Variants in SNX29 observed in about 807,000 individuals in gnomAD.
The protein encoded by SNX29 is sorting nexin-29.
In SNX29, 78 loss-of-function variants were observed where a neutral mutation model predicts 102.1. The ratio of observed to expected loss-of-function variants is 0.76; its 90% CI spans 0.64 to 0.92. The LOEUF is 0.92. Ranked by LOEUF, SNX29 falls within the 40% of genes least tolerant of loss-of-function variation. The pLI is 0.00. For synonymous variants in SNX29, 580 were observed against 414.5 expected (o/e 1.40, Z -4.85); for missense variants, 1,280 against 1,061.7 (o/e 1.21, Z -2.86).
At chr16:12,130,756 G>C (rs1396760653) in intron 13 of SNX29, among the ~76,000 whole-genome samples, 1 of 150,800 alleles carries the variant, frequency 6.6e-6, no homozygotes, top group Non-Finnish European at 1.5e-5. Flanking sequence ...CTTCCTTAAT[G>C]TGAAGTGGTA....
chr16:12,174,611 T>C (rs568560649), intron 13 of SNX29, among the ~76,000 whole-genome samples: 1 of 152,326 alleles, frequency 6.6e-6, no homozygotes, highest in East Asian at 1.9e-4. Context: ...AACCAACCTC[T>C]TGTGGCGTTC....
chr16:12,415,494 A>C (rs931453003), intron 18 of SNX29, among the ~76,000 whole-genome samples: 1 of 152,242 alleles, frequency 6.6e-6, no homozygotes, highest in Admixed American at 6.5e-5. Context: ...GACAGAGTAT[A>C]AACTTAAAAA....
At chr16:12,531,318 G>C (rs1041159960) in intron 20 of SNX29, among the ~76,000 whole-genome samples, 1 of 152,222 alleles carries the variant, frequency 6.6e-6, no homozygotes, top group East Asian at 1.9e-4. Context: ...AGCCCTGGCA[G>C]GTGTGTGAAC....
chr16:12,555,170 G>C (rs1253173702), intron 20 of SNX29, among the ~76,000 whole-genome samples: 3 of 151,938 alleles, frequency 2.0e-5, no homozygotes, highest in Admixed American at 6.5e-5. Flanking sequence ...TCTGGCATCA[G>C]TGGGGTTACT....
chr16:12,573,867 C>G lies in SNX29; in HGVS notation c.*5238C>G, dbSNP rs1406862998. On this transcript the variant is annotated 3_prime_UTR_variant, in exon 21 of 21. Transcript: ENST00000566228. ...CATCCTAAGAAGAATGTTGGCCTCT[C>G]TTCATCCCTGGCTTAGCCGTCAGGT... The G allele has an allele frequency of 4.8e-6, 1 of 210,104 alleles. No homozygotes were observed. Among genetic ancestry groups the G allele is most frequent in the Non-Finnish European group, 9.7e-6 (1 of 103,444 alleles). 13.0% of individuals were successfully genotyped at this position (210,104 alleles called of 1,614,324 possible). A position where few individuals can be genotyped will look rare whatever the true frequency, so the allele number is the denominator to read the frequency against.
At chr16:12,561,410 C>T (rs1028678530) in intron 20 of SNX29, among the ~76,000 whole-genome samples, 17 of 152,160 alleles carry the variant, frequency 1.1e-4, no homozygotes, top group African/African-American at 3.6e-4. Flanking sequence ...ACACACAGAT[C>T]AGTCCTAGCT....
intron 14 of SNX29, among the ~76,000 whole-genome samples, chr16:12,269,456 A>T (rs2079027541): frequency 6.6e-6 from 1 of 152,156 alleles, no homozygotes; most frequent in Admixed American, 6.5e-5. Flanking sequence ...CATTATTTTG[A>T]TTTCTGTGAC....
At chr16:12,455,095 G>A (rs1025035627) in intron 18 of SNX29, among the ~76,000 whole-genome samples, 1 of 152,202 alleles carries the variant, frequency 6.6e-6, no homozygotes, top group Non-Finnish European at 1.5e-5. Flanking sequence ...TCTGGCTGTG[G>A]TGTGGAAAAG....
At chr16:12,564,237 ATC>A (rs2078893996) in intron 20 of SNX29, among the ~76,000 whole-genome samples, 1 of 152,142 alleles carries the variant, frequency 6.6e-6, no homozygotes, top group African/African-American at 2.4e-5. Flanking sequence ...AGAGAAAAAA[ATC>A]TCTACTCAGT....
chr16:12,308,408 G>C (rs771920009), intron 15 of SNX29, among the ~76,000 whole-genome samples: 5 of 152,162 alleles, frequency 3.3e-5, no homozygotes, highest in African/African-American at 4.8e-5. Context: ...CCTTCTGCAG[G>C]GATCAACCTC....
At chr16:12,418,759 C>T (rs1165723198) in intron 18 of SNX29, among the ~76,000 whole-genome samples, 1 of 152,204 alleles carries the variant, frequency 6.6e-6, no homozygotes, top group Non-Finnish European at 1.5e-5. Flanking sequence ...AAGTGATCCA[C>T]CCACCTTGGC....
chr16:12,281,906 C>T (rs2079442614), intron 15 of SNX29, among the ~76,000 whole-genome samples: 1 of 151,654 alleles, frequency 6.6e-6, no homozygotes, highest in South Asian at 2.1e-4. Flanking sequence ...CTATGTCTGC[C>T]AGATAGAATC....
At chr16:12,274,636 A>G (rs2079190590) in intron 14 of SNX29, among the ~76,000 whole-genome samples, 1 of 151,798 alleles carries the variant, frequency 6.6e-6, no homozygotes, top group Non-Finnish European at 1.5e-5. Context: ...TCCGAGGCTC[A>G]AGCGATCCTT....
At chr16:12,339,985 A>T (rs911033560) in intron 15 of SNX29, among the ~76,000 whole-genome samples, 2 of 152,202 alleles carry the variant, frequency 1.3e-5, no homozygotes, top group Non-Finnish European at 2.9e-5. Flanking sequence ...AAAGAGGGGA[A>T]TTCATCTTGG....
intron 13 of SNX29, among the ~76,000 whole-genome samples, chr16:12,183,963 A>G (rs1453726302): frequency 1.3e-5 from 2 of 152,222 alleles, no homozygotes; most frequent in South Asian, 2.1e-4. Flanking sequence ...GGGGGTATGC[A>G]CCCTGTGTTT....
Position 12,538,004 on chromosome 16 carries a change from TTGTC to T in SNX29, c.2318+13166_2318+13169del, listed in dbSNP as rs1342521039. 1.9e-4 allele frequency among the ~76,000 whole-genome samples: 28 copies of T among 149,838 alleles called. No homozygotes were observed. The East Asian group carries it at 2.2e-3, about 12-fold the overall frequency. On this transcript the variant is annotated intron_variant, in intron 20 of 20. Transcript: ENST00000566228. ...CGTTTCAAAAAAAAAAAAAAAAAAA[TTGTC>T]TGCCATTTATAGACCAAAATCGTCC...
intron 20 of SNX29, among the ~76,000 whole-genome samples, chr16:12,528,485 C>A (rs1027394021): frequency 3.5e-4 from 53 of 152,156 alleles, no homozygotes; most frequent in African/African-American, 1.2e-3. Flanking sequence ...CAGGTGTGAG[C>A]CACCACCCCC....
intron 15 of SNX29, among the ~76,000 whole-genome samples, chr16:12,284,440 C>G (rs1269897800): frequency 5.9e-5 from 9 of 152,202 alleles, no homozygotes; most frequent in Admixed American, 4.6e-4. Context: ...TCCTGACTTT[C>G]TTTGGAGGGC....
At chr16:12,515,555 C>A (rs771484799) in intron 19 of SNX29, 1 of 492,470 alleles carries the variant, frequency 2.0e-6, no homozygotes, top group South Asian at 1.5e-5. Flanking sequence ...TCCTTGCTGG[C>A]CTCTCTGCTT....
Sources: allele counts gnomAD v4.1 joint callset (sites outside exome capture counted in the v4.1 genomes callset), GRCh38; gene constraint gnomAD v4.1.1; transcripts MANE v1.5; gene names NCBI Gene and HGNC (gene_info 2026-07-23, HGNC 2026-07-21).